NEK1: variants seen among roughly 807,000 people sequenced by gnomAD.
NEK1 encodes NIMA related kinase 1, also known as serine/threonine-protein kinase Nek1.
Under a neutral mutation model 182.1 loss-of-function variants are expected in NEK1, and 137 were observed. The ratio of observed to expected loss-of-function variants is 0.75; its 90% CI spans 0.65 to 0.87. The LOEUF (loss-of-function observed/expected upper bound fraction) is 0.87, where lower values mean the gene tolerates loss of function less well. NEK1 is among the 40% of genes least tolerant of loss of function. The pLI, the probability that NEK1 is intolerant of heterozygous loss-of-function variation, is 0.00. For synonymous variants in NEK1, 513 were observed against 492.2 expected, an observed-to-expected ratio of 1.04 and a Z score of -0.56; for missense variants, 1,391 against 1,494.4, an observed-to-expected ratio of 0.93 and a Z score of 1.14.
At chr4:169,548,417 G>A (rs1012485844) in intron 18 of NEK1, among the ~76,000 whole-genome samples, 2 of 151,806 alleles carry the variant, frequency 1.3e-5, no homozygotes, top group African/African-American at 2.4e-5. Flanking sequence ...TACTGGGGAG[G>A]TGTCTCCCAG....
intron 18 of NEK1, among the ~76,000 whole-genome samples, chr4:169,547,964 T>C (rs758389981): frequency 6.6e-6 from 1 of 152,226 alleles, no homozygotes; most frequent in Admixed American, 6.5e-5. Context: ...TCCTGAAGCC[T>C]ACTTCTGTCA....
chr4:169,587,607 A>G lies in NEK1; in HGVS notation c.558T>C (p.Ile186=). 2 of 1,540,700 alleles carry G rather than the reference A, an allele frequency of 1.3e-6. No individual in the cohort carries two copies. Among genetic ancestry groups the G allele is most frequent in the East Asian group, 2.4e-5 (1 of 41,878 alleles). The change falls in exon 9 of 36, where the codon ATT becomes ATC. Residue 186 remains isoleucine (I), a synonymous_variant. Transcript: ENST00000507142. ...CATAAAGGACACACCCCAGAGCCCA[A>G]ATGTCACTGGAGAAGATAAAAATGA... The part of the protein sequence containing the change: ...ENKPYNNKSD[I]WALGCVLYEL...
At chr4:169,484,495 C>T (rs1748692839) in intron 23 of NEK1, among the ~76,000 whole-genome samples, 2 of 152,076 alleles carry the variant, frequency 1.3e-5, no homozygotes, top group South Asian at 4.1e-4. Flanking sequence ...GAATTAGACA[C>T]AATATTTTCT....
intron 27 of NEK1, among the ~76,000 whole-genome samples, chr4:169,444,603 C>T (rs1740143029): frequency 6.6e-6 from 1 of 152,086 alleles, no homozygotes; most frequent in Non-Finnish European, 1.5e-5. Flanking sequence ...AGCAGAACCC[C>T]TAGATATATA....
intron 12 of NEK1, among the ~76,000 whole-genome samples, chr4:169,568,491 G>A (rs936538200): frequency 3.3e-5 from 5 of 151,554 alleles, no homozygotes; most frequent in African/African-American, 1.2e-4. Flanking sequence ...CAACCCACCT[G>A]ACTGATTTCA....
intron 31 of NEK1, among the ~76,000 whole-genome samples, chr4:169,411,180 A>T (rs4692722): frequency 0.9 from 137,528 of 152,248 alleles, 62,220 homozygotes; most frequent in African/African-American, 0.94. Flanking sequence ...GACTAGTCAC[A>T]GGAGGAAAAT....
intron 12 of NEK1, among the ~76,000 whole-genome samples, chr4:169,572,873 CAAAG>C (rs1317616394): frequency 1.3e-5 from 2 of 151,960 alleles, no homozygotes; most frequent in African/African-American, 2.4e-5. Context: ...ACAGCTGTGA[CAAAG>C]AAAGCCATGA....
intron 27 of NEK1, among the ~76,000 whole-genome samples, chr4:169,449,665 C>T (rs1293336533): frequency 2.0e-5 from 3 of 152,166 alleles, no homozygotes; most frequent in African/African-American, 7.2e-5. Context: ...CAAAACCCCA[C>T]CTGGAGGTCA....
chr4:169,484,796 T>C (rs1403440762), intron 23 of NEK1, among the ~76,000 whole-genome samples: 1 of 152,234 alleles, frequency 6.6e-6, no homozygotes. Context: ...TCATTGTTTT[T>C]ATCCTCTCTG....
intron 27 of NEK1, among the ~76,000 whole-genome samples, chr4:169,451,236 A>C (rs1741695431): frequency 6.6e-6 from 1 of 152,182 alleles, no homozygotes; most frequent in Non-Finnish European, 1.5e-5. Flanking sequence ...ACGAGAAAAA[A>C]GGTTAACAAG....
chr4:169,597,847 T>C (rs1769811778), intron 5 of NEK1, among the ~76,000 whole-genome samples: 1 of 151,996 alleles, frequency 6.6e-6, no homozygotes, highest in Non-Finnish European at 1.5e-5. Flanking sequence ...GGCAGGAGAA[T>C]GGCGTGAACC....
chr4:169,424,737 G>A lies in NEK1; in HGVS notation c.3038C>T (p.Pro1013Leu). 6.2e-7 allele frequency: 1 copy of A among 1,613,802 alleles called. No individual in the cohort carries two copies. Among genetic ancestry groups the A allele is most frequent in the Non-Finnish European group, 8.5e-7 (1 of 1,179,784 alleles). The change falls in exon 31 of 36, where the codon CCA becomes CTA. Residue 1013 changes from proline (P) to leucine (L), a missense_variant. By Grantham distance (98) the Pro-to-Leu change is moderately conservative. Around this residue, in one of 5 missense-constraint regions of NEK1, gnomAD observed 1,216 missense variants for 1,277.6 expected, o/e 0.95. Coordinates refer to ENST00000507142, the MANE Select transcript of NEK1 (RefSeq NM_001199397.3). ...CDVDKSVQPE[P>L]FFHKVVHSEH... The stretch of plus-strand genomic sequence containing the variant: ...AGAATGAACCACCTTATGGAAAAAT[G>A]GTTCCGGTTGCACAGACTTATCTAC...
At position 169,477,129 on chromosome 4, in the gene NEK1, G is replaced by T; in HGVS notation, c.2429C>A (p.Thr810Asn). 1 of 1,585,280 alleles carries T rather than the reference G, an allele frequency of 6.3e-7. No homozygotes were observed. Among genetic ancestry groups the T allele is most frequent in the Non-Finnish European group, 8.6e-7 (1 of 1,161,598 alleles). ...TAATATACTACTATACATACTTTCA[G>T]TTGTAGAGAAGGATGTATCTAGTGT... ...ELTLDTSFST[T>N]ERHTVGEVIK... is the part of the protein sequence containing the mutation. Residue 810 changes from threonine (T) to asparagine (N), a missense_variant, in exon 26 of 36, where the codon ACT becomes AAT. Physicochemically the swap from Thr to Asn is moderately conservative, Grantham distance 65 (BLOSUM62 0). Transcript: ENST00000507142.
At chr4:169,509,511 AT>A (rs371890560) in intron 19 of NEK1, among the ~76,000 whole-genome samples, 3 of 151,622 alleles carry the variant, frequency 2.0e-5, no homozygotes, top group Non-Finnish European at 2.9e-5. Flanking sequence ...TTGAATGTGT[AT>A]TTTTTTTATT....
chr4:169,478,086 T>C (rs1183576323), intron 24 of NEK1, among the ~76,000 whole-genome samples: 2 of 152,004 alleles, frequency 1.3e-5, no homozygotes, highest in African/African-American at 4.8e-5. Flanking sequence ...TAATTAGCAT[T>C]GTCAAAGCAA....
intron 4 of NEK1, among the ~76,000 whole-genome samples, chr4:169,600,220 T>C (rs1476177659): frequency 1.3e-5 from 2 of 152,128 alleles, no homozygotes; most frequent in Non-Finnish European, 2.9e-5. Flanking sequence ...TTTTTTCTTT[T>C]GAGACAGGGT....
chr4:169,462,852 C>G (rs996761179), intron 27 of NEK1, among the ~76,000 whole-genome samples: 4 of 152,118 alleles, frequency 2.6e-5, no homozygotes, highest in Admixed American at 2.6e-4. Context: ...CTCTCCTTCC[C>G]CAGTCCTAGA....
intron 5 of NEK1, among the ~76,000 whole-genome samples, 169 bp from the exon 6 acceptor site, chr4:169,590,978 C>A (rs972780126): frequency 1.4e-4 from 21 of 152,130 alleles, no homozygotes; most frequent in Admixed American, 1.1e-3. Flanking sequence ...ACAAGCTCTG[C>A]ACATACTAAA....
intron 31 of NEK1, among the ~76,000 whole-genome samples, chr4:169,409,670 A>C (rs927380732): frequency 2.0e-5 from 3 of 152,134 alleles, no homozygotes; most frequent in Non-Finnish European, 4.4e-5. Context: ...TGGGAGGCTG[A>C]GGCAGGAGAA....
Sources: gnomAD v4.1 joint callset for allele counts (sites outside exome capture counted in the v4.1 genomes callset) on GRCh38, gnomAD v4.1.1 for gene constraint, gnomAD v4.1.1 regional missense constraint, MANE v1.5 for transcripts, NCBI Gene and HGNC (gene_info 2026-07-23, HGNC 2026-07-21) for gene names.